MIER1: variants seen among roughly 807,000 people sequenced by gnomAD.
MIER1 encodes MIER1 transcriptional regulator.
Under a neutral mutation model 75.7 loss-of-function variants are expected in MIER1, and 40 were observed. The observed-to-expected ratio is 0.53, with a 90% CI of 0.41 to 0.69. MIER1 has a LOEUF of 0.69. Among genes scored for constraint, MIER1 ranks in the 30% least tolerant of loss-of-function variants. The pLI, the probability that MIER1 is intolerant of heterozygous loss-of-function variation, is 0.00. For synonymous variants in MIER1, 213 were observed against 223.4 expected, an observed-to-expected ratio of 0.95 and a Z score of 0.42; for missense variants, 574 against 680.2, an observed-to-expected ratio of 0.84 and a Z score of 1.74.
chr1:66,928,722 T>G (rs568413024), intron 2 of MIER1, among the ~76,000 whole-genome samples: 3 of 152,366 alleles, frequency 2.0e-5, no homozygotes, highest in African/African-American at 7.2e-5. Flanking sequence ...TATATACCTC[T>G]GCTAAAATAT....
chr1:66,961,928 G>A (rs1661324522), intron 7 of MIER1, among the ~76,000 whole-genome samples: 3 of 152,192 alleles, frequency 2.0e-5, no homozygotes. Context: ...ATTACATAAA[G>A]CACGTCTTTG....
chr1:66,929,229 A>G (rs1247182920), intron 2 of MIER1: 2 of 411,378 alleles, frequency 4.9e-6, no homozygotes, highest in Non-Finnish European at 4.5e-6. Flanking sequence ...TTTGGAAGGA[A>G]TGAATAATTC....
At chr1:66,930,301 G>T (rs1004423436) in intron 2 of MIER1, 27 of 1,569,970 alleles carry the variant, frequency 1.7e-5, no homozygotes, top group Non-Finnish European at 2.2e-5. Flanking sequence ...GACGGCAGCG[G>T]CCGGAGTCCC....
chr1:66,940,407 G>A (rs921048486), intron 3 of MIER1, among the ~76,000 whole-genome samples: 1 of 151,162 alleles, frequency 6.6e-6, no homozygotes, highest in Non-Finnish European at 1.5e-5. Context: ...GCTTGTGTAG[G>A]GATTTCAAAG....
Position 66,985,121 on chromosome 1 carries a change from G to C in MIER1, c.*221G>C. 8.4e-7 allele frequency: 1 copy of C among 1,189,362 alleles called. No homozygotes were observed. Among genetic ancestry groups the C allele is most frequent in the South Asian group, 2.7e-5 (1 of 37,056 alleles). 73.7% of individuals were successfully genotyped at this position (1,189,362 alleles called of 1,614,324 possible). The stretch of plus-strand genomic sequence containing the variant: ...GGGTATTTTAAAAATTAGTAAATTT[G>C]AATGAACTAAAGATATATCTCTACC... On this transcript the variant is annotated 3_prime_UTR_variant, in exon 14 of 14. Transcript: ENST00000401041.
intron 4 of MIER1, among the ~76,000 whole-genome samples, chr1:66,952,887 T>A (rs1659295588): frequency 6.6e-6 from 1 of 152,172 alleles, no homozygotes; most frequent in Non-Finnish European, 1.5e-5. Flanking sequence ...TCAAGTGATC[T>A]GCCTACCTTG....
At chr1:66,962,512 T>G (rs1661455853) in intron 7 of MIER1, among the ~76,000 whole-genome samples, 1 of 152,110 alleles carries the variant, frequency 6.6e-6, no homozygotes, top group African/African-American at 2.4e-5. Context: ...ACCTGAGCAT[T>G]TGCATTTCTA....
At chr1:66,937,678 T>C (rs979743246) in intron 2 of MIER1, among the ~76,000 whole-genome samples, 2 of 152,246 alleles carry the variant, frequency 1.3e-5, no homozygotes, top group Non-Finnish European at 2.9e-5. Flanking sequence ...TTACCCTTAT[T>C]CCACACCCAA....
At chr1:66,925,464 C>G in intron 1 of MIER1, 1 of 985,474 alleles carries the variant, frequency 1.0e-6, no homozygotes, top group Non-Finnish European at 1.2e-6. Flanking sequence ...GTGGCTCCGC[C>G]TCTTTCTCCT....
intron 4 of MIER1, among the ~76,000 whole-genome samples, chr1:66,949,499 A>G (rs916647801): frequency 2.6e-5 from 4 of 152,214 alleles, no homozygotes; most frequent in East Asian, 1.9e-4. Flanking sequence ...AGTTGAACCA[A>G]TCCTTTATCA....
intron 11 of MIER1, among the ~76,000 whole-genome samples, chr1:66,975,775 CATT>C (rs1664587722): frequency 6.6e-6 from 1 of 152,086 alleles, no homozygotes; most frequent in Non-Finnish European, 1.5e-5. Context: ...AAAGCATTAG[CATT>C]ATTATGATAC....
chr1:66,979,140 T>C (rs1665375849), intron 12 of MIER1, among the ~76,000 whole-genome samples: 2 of 152,128 alleles, frequency 1.3e-5, no homozygotes, highest in Non-Finnish European at 2.9e-5. Flanking sequence ...AATCATACTT[T>C]TTTACTGAGA....
chr1:66,952,027 T>C (rs1200053335), intron 4 of MIER1, among the ~76,000 whole-genome samples: 1 of 152,226 alleles, frequency 6.6e-6, no homozygotes, highest in Non-Finnish European at 1.5e-5. Flanking sequence ...ATAATATATC[T>C]AAAGCGCTTA....
At chr1:66,967,519 T>C (rs1662667936) in intron 8 of MIER1, among the ~76,000 whole-genome samples, 1 of 152,194 alleles carries the variant, frequency 6.6e-6, no homozygotes, top group South Asian at 2.1e-4. Flanking sequence ...ACTTTTTTTC[T>C]ATTTCTGTGA....
chr1:66,982,554 TTTC>T (rs1666113178), intron 13 of MIER1, among the ~76,000 whole-genome samples: 2 of 152,100 alleles, frequency 1.3e-5, no homozygotes, highest in African/African-American at 4.8e-5. Flanking sequence ...ATTATTTTGA[TTTC>T]TTCTTTGATT....
chr1:66,957,631 AT>A (rs71802222), intron 4 of MIER1, among the ~76,000 whole-genome samples: 108,980 of 139,040 alleles, frequency 0.78, 43,013 homozygotes, highest in South Asian at 0.88. Flanking sequence ...TGAGCTCTGA[AT>A]TTTCGTCTGC....
intron 8 of MIER1, among the ~76,000 whole-genome samples, chr1:66,969,573 A>AAT (rs1663178557): frequency 7.1e-6 from 1 of 141,688 alleles, no homozygotes; most frequent in Non-Finnish European, 1.5e-5. Flanking sequence ...AAAAAAAAAA[A>AAT]AATCATTGCC....
At chr1:66,984,312 A>G (rs1399067881) in intron 13 of MIER1, among the ~76,000 whole-genome samples, 1 of 152,168 alleles carries the variant, frequency 6.6e-6, no homozygotes, top group African/African-American at 2.4e-5. Flanking sequence ...CTTTACATTT[A>G]TTAACTTATT....
At chr1:66,964,573 C>T (rs559189666) in intron 8 of MIER1, among the ~76,000 whole-genome samples, 1 of 151,790 alleles carries the variant, frequency 6.6e-6, no homozygotes, top group East Asian at 1.9e-4. Flanking sequence ...CTGCCTCAGC[C>T]TCCCAAGTAG....
Sources: allele counts gnomAD v4.1 joint callset (sites outside exome capture counted in the v4.1 genomes callset), GRCh38; gene constraint gnomAD v4.1.1; transcripts MANE v1.5; gene names NCBI Gene and HGNC (gene_info 2026-07-23, HGNC 2026-07-21).